NTN4: variants seen among roughly 807,000 people sequenced by gnomAD.
The protein encoded by NTN4 is netrin-4.
A neutral mutation model predicts 73.6 loss-of-function variants in NTN4; 32 were observed. That is an observed-to-expected ratio of 0.44 (90% CI 0.33 to 0.58). NTN4 has a LOEUF of 0.58. Ranked by LOEUF, NTN4 falls within the 20% of genes least tolerant of loss-of-function variation. The probability of loss-of-function intolerance (pLI) is 0.04; values close to 1 mark genes in which losing one functional copy is unlikely to be tolerated. For missense variants in NTN4, 654 were observed against 798.3 expected, an observed-to-expected ratio of 0.82 and a Z score of 2.18; for synonymous variants, 258 against 287.5, an observed-to-expected ratio of 0.90 and a Z score of 1.04.
At chr12:95,669,440 C>T (rs531113367) in intron 8 of NTN4, among the ~76,000 whole-genome samples, 3 of 152,222 alleles carry the variant, frequency 2.0e-5, no homozygotes, top group African/African-American at 7.2e-5. Context: ...GGTCTCAGTG[C>T]CTCACAAGTA....
intron 7 of NTN4, chr12:95,670,533 G>A (rs2078219074): frequency 6.3e-6 from 1 of 158,028 alleles, no homozygotes; most frequent in South Asian, 2.0e-4. Flanking sequence ...TAAACTGATT[G>A]GGCAGTCCCT....
chr12:95,760,332 GTTCT>G (rs1171507258), intron 2 of NTN4, among the ~76,000 whole-genome samples: 1 of 152,200 alleles, frequency 6.6e-6, no homozygotes, highest in Non-Finnish European at 1.5e-5. Context: ...CTTTCTGACA[GTTCT>G]TTCTTCACTC....
At chr12:95,708,304 T>C (rs981637139) in intron 5 of NTN4, among the ~76,000 whole-genome samples, 6 of 135,212 alleles carry the variant, frequency 4.4e-5, no homozygotes, top group African/African-American at 1.4e-4. Context: ...TTATTTATTT[T>C]TGAGACAGAG....
At chr12:95,736,703 A>C (rs1388672206) in intron 3 of NTN4, among the ~76,000 whole-genome samples, 1 of 152,206 alleles carries the variant, frequency 6.6e-6, no homozygotes, top group African/African-American at 2.4e-5. Context: ...CTGTTGAATG[A>C]ATGCTGCATT....
intron 6 of NTN4, among the ~76,000 whole-genome samples, chr12:95,683,030 G>C (rs938257206): frequency 6.6e-6 from 1 of 151,520 alleles, no homozygotes; most frequent in African/African-American, 2.4e-5. Flanking sequence ...CAAATTACTT[G>C]AGTTTGTAAT....
chr12:95,740,666 T>C (rs908456987), intron 2 of NTN4, among the ~76,000 whole-genome samples: 7 of 152,210 alleles, frequency 4.6e-5, no homozygotes, highest in African/African-American at 1.7e-4. Flanking sequence ...AATAAGTACC[T>C]ACAAAGTGAT....
rs192987670 is a variant in NTN4, at chr12:95,782,066, C to T, written c.585+4873G>A. 3.9e-3 allele frequency among the ~76,000 whole-genome samples: 590 copies of T among 152,312 alleles called. 2 individuals carry two copies. The highest frequency in any genetic ancestry group is 0.013 in the African/African-American group (539 of 41,564). On this transcript the variant is annotated intron_variant, in intron 2 of 9. Coordinates refer to ENST00000343702, the MANE Select transcript of NTN4 (RefSeq NM_021229.4). ...CATACCATAACTAATCTCATATGAA[C>T]TACCAACTCAGCTTCTCCAGGTTAA... is the stretch of plus-strand genomic sequence containing the variant.
chr12:95,670,825 AG>A (rs376889413), intron 7 of NTN4, among the ~76,000 whole-genome samples: 133,112 of 151,914 alleles, frequency 0.88, 58,456 homozygotes, highest in East Asian at 1. Flanking sequence ...AGGATTTAAA[AG>A]GGACTTTGAA....
intron 2 of NTN4, among the ~76,000 whole-genome samples, chr12:95,776,088 G>C (rs538141958): frequency 6.6e-6 from 1 of 152,306 alleles, no homozygotes; most frequent in East Asian, 1.9e-4. Context: ...CAACAGACCT[G>C]CAGCTGAGGG....
chr12:95,740,073 C>T (rs1037711782), intron 2 of NTN4: 2 of 152,232 alleles, frequency 1.3e-5, no homozygotes, highest in Admixed American at 6.5e-5. Context: ...CATCATGACC[C>T]CTGAGGCTGT....
intron 3 of NTN4, among the ~76,000 whole-genome samples, chr12:95,723,298 C>CAAG (rs1358725289): frequency 6.7e-6 from 1 of 148,458 alleles, no homozygotes; most frequent in African/African-American, 2.4e-5. Flanking sequence ...TGCCCACCAC[C>CAAG]AAGAGATTAC....
chr12:95,765,633 C>T (rs1422908408), intron 2 of NTN4, among the ~76,000 whole-genome samples: 3 of 152,122 alleles, frequency 2.0e-5, no homozygotes, highest in Non-Finnish European at 2.9e-5. Context: ...CTTGGAGCCT[C>T]GGAAGGTGCT....
intron 5 of NTN4, among the ~76,000 whole-genome samples, chr12:95,693,752 GAAAAA>G (rs2078419910): frequency 1.5e-5 from 2 of 134,404 alleles, no homozygotes; most frequent in African/African-American, 2.7e-5. Context: ...AAAAAAAAAA[GAAAAA>G]GAAAAAAAAT....
At chr12:95,659,358 TAATC>T in intron 9 of NTN4, 136 bp from the exon 10 acceptor site, 1 of 592,400 alleles carries the variant, frequency 1.7e-6, no homozygotes, top group Non-Finnish European at 2.8e-6. Flanking sequence ...TGTAGTGGCA[TAATC>T]CTGGCTCACT....
Position 95,683,716 on chromosome 12 carries a change from A to C in NTN4, c.1181-5T>G. ...CTACTGGATGGCAGGAACACGCTAC[A>C]ACAGAGAGGACACGCAAGGATCAAA... On this transcript the variant is annotated splice_polypyrimidine_tract_variant and splice_region_variant and intron_variant, in intron 5 of 9. Coordinates refer to ENST00000343702, the MANE Select transcript of NTN4 (RefSeq NM_021229.4). 1 of 1,593,366 alleles carries C rather than the reference A, an allele frequency of 6.3e-7. No individual in the cohort carries two copies. Among genetic ancestry groups the C allele is most frequent in the Non-Finnish European group, 8.6e-7 (1 of 1,168,920 alleles).
intron 2 of NTN4, among the ~76,000 whole-genome samples, chr12:95,767,356 G>A (rs150903820): frequency 3.6e-4 from 55 of 151,748 alleles, no homozygotes; most frequent in Non-Finnish European, 6.9e-4. Context: ...TAATAGGGAA[G>A]AGGCACAGCT....
chr12:95,726,139 AT>A (rs2078692268), intron 3 of NTN4, among the ~76,000 whole-genome samples: 1 of 151,936 alleles, frequency 6.6e-6, no homozygotes, highest in African/African-American at 2.4e-5. Flanking sequence ...AAAATTCACT[AT>A]TTTTAACCAT....
chr12:95,741,467 A>ATATATC (rs2078825872), intron 2 of NTN4, among the ~76,000 whole-genome samples: 10 of 108,696 alleles, frequency 9.2e-5, no homozygotes, highest in African/African-American at 3.4e-4. Flanking sequence ...ATATATATAT[A>ATATATC]TATATATCTC....
Position 95,764,962 on chromosome 12 carries a change from AAGCCAGAGGAGGG to A in NTN4, c.585+21964_585+21976del, listed in dbSNP as rs774147069. 9.5e-4 allele frequency among the ~76,000 whole-genome samples: 144 copies of A among 152,308 alleles called. No individual in the cohort carries two copies. The Middle Eastern group carries it at 0.01, about 11-fold the overall frequency. On this transcript the variant is annotated intron_variant, in intron 2 of 9. Coordinates refer to ENST00000343702, the MANE Select transcript of NTN4 (RefSeq NM_021229.4). The stretch of plus-strand genomic sequence containing the variant: ...AGAATAAAGGCAAGTCCCGAAAGGG[AAGCCAGAGGAGGG>A]CTAGAAATCTAACTTGTTCACTCAC...
Sources: allele counts gnomAD v4.1 joint callset (sites outside exome capture counted in the v4.1 genomes callset), GRCh38; gene constraint gnomAD v4.1.1; transcripts MANE v1.5; gene names NCBI Gene and HGNC (gene_info 2026-07-23, HGNC 2026-07-21).